The following MCU variants were observed in gnomAD, a reference collection of about 807,000 sequenced individuals.
MCU encodes the protein mitochondrial calcium uniporter.
A neutral mutation model predicts 45.2 loss-of-function variants in MCU; 12 were observed. That is an observed-to-expected ratio of 0.27 (90% confidence interval 0.17 to 0.43). The LOEUF (loss-of-function observed/expected upper bound fraction) is 0.43. Ranked by LOEUF, MCU falls within the 20% of genes least tolerant of loss-of-function variation. MCU has a pLI of 1.00. For synonymous variants in MCU, 160 were observed against 165.1 expected (o/e 0.97, Z 0.24); for missense variants, 324 against 436.7 (o/e 0.74, Z 2.30).
At position 72,871,388 on chromosome 10, in the gene MCU, G is replaced by T; in HGVS notation, c.669G>T (p.Glu223Asp). ...QLAPLEKVRI[E>D]ISRKAEKRTT... ...TGTGTGCCCAATAGGTACGAATTGA[G>T]ATTAGCAGAAAAGCTGAGAAGAGGA... The change falls in exon 6 of 8, where the codon GAG becomes GAT. Residue 223 changes from glutamate to aspartate, a missense_variant. Physicochemically the swap from Glu to Asp is conservative, Grantham distance 45 (BLOSUM62 2). This residue lies in a region of MCU where 135 missense variants were observed against 207.3 expected (regional missense o/e 0.65). Coordinates refer to ENST00000373053, the MANE Select transcript of MCU (RefSeq NM_138357.3). 6.2e-7 allele frequency: 1 copy of T among 1,614,048 alleles called. No homozygotes were observed. Among genetic ancestry groups the T allele is most frequent in the South Asian group, 1.1e-5 (1 of 91,076 alleles).
intron 2 of MCU, among the ~76,000 whole-genome samples, chr10:72,848,860 A>T (rs958443113): frequency 1.2e-4 from 18 of 152,160 alleles, no homozygotes; most frequent in African/African-American, 3.6e-4. Context: ...TGGAAAATTG[A>T]ACTGGAGCAA....
At chr10:72,752,253 AG>A (rs987317271) in intron 1 of MCU, among the ~76,000 whole-genome samples, 22 of 149,646 alleles carry the variant, frequency 1.5e-4, no homozygotes, top group African/African-American at 4.9e-4. Flanking sequence ...TGACAGGTCC[AG>A]ATTTTTTTTT....
At chr10:72,789,796 G>C (rs575523087) in intron 1 of MCU, among the ~76,000 whole-genome samples, 2 of 152,268 alleles carry the variant, frequency 1.3e-5, no homozygotes, top group East Asian at 3.9e-4. Flanking sequence ...CCTTCCTGGG[G>C]TTCTGAAATT....
intron 1 of MCU, among the ~76,000 whole-genome samples, chr10:72,814,932 A>T (rs11000419): frequency 0.45 from 69,094 of 151,906 alleles, 19,865 homozygotes; most frequent in Non-Finnish European, 0.67. Flanking sequence ...AAAGAAGTAT[A>T]AAAGAAAAAT....
rs1001610262 is a variant in MCU, at chr10:72,697,426, ATTTTTTTT to A, written c.150+5143_150+5150del. ...GCCACTGCACCCAGGCCAGACTTCT[ATTTTTTTT>A]TTTTTTTTTTTTTTTTTGAGACAGA... On this transcript the variant is annotated intron_variant, in intron 1 of 7. Transcript: ENST00000373053. Among the ~76,000 whole-genome samples, 41 of 64,136 alleles carry A rather than the reference ATTTTTTTT, an allele frequency of 6.4e-4. 1 individual carries two copies. The highest frequency in any genetic ancestry group is 4.8e-3 in the East Asian group (11 of 2,276). 42.1% of individuals were successfully genotyped at this position (64,136 alleles called of 152,430 possible).
chr10:72,825,344 C>T (rs553010923), intron 1 of MCU, among the ~76,000 whole-genome samples: 3 of 152,328 alleles, frequency 2.0e-5, no homozygotes, highest in Non-Finnish European at 2.9e-5. Flanking sequence ...TATGTACATA[C>T]ACATGTGTAT....
chr10:72,773,730 A>G (rs1843847477), intron 1 of MCU, among the ~76,000 whole-genome samples: 1 of 152,232 alleles, frequency 6.6e-6, no homozygotes, highest in Admixed American at 6.5e-5. Context: ...AAAGCAGCAA[A>G]GAAAAGAAGC....
At chr10:72,723,062 G>A (rs186333800) in intron 1 of MCU, among the ~76,000 whole-genome samples, 317 of 152,182 alleles carry the variant, frequency 2.1e-3, no homozygotes, top group South Asian at 0.016. Flanking sequence ...TGGGTGTGGT[G>A]GCAGGTGCCT....
intron 2 of MCU, among the ~76,000 whole-genome samples, chr10:72,849,564 G>A (rs1459804854): frequency 2.6e-5 from 4 of 152,132 alleles, no homozygotes; most frequent in Admixed American, 6.6e-5. Context: ...TTGGGAGGAC[G>A]TGAGATTTCC....
At chr10:72,717,127 CTTT>C (rs71021527) in intron 1 of MCU, among the ~76,000 whole-genome samples, 49 of 138,340 alleles carry the variant, frequency 3.5e-4, no homozygotes, top group Middle Eastern at 3.6e-3. Context: ...CTCTCTCTCT[CTTT>C]TTTTTTTTTT....
Position 72,782,856 on chromosome 10 carries a change from T to C in MCU, c.151-51503T>C, listed in dbSNP as rs573473527. Among the ~76,000 whole-genome samples the C allele has an allele frequency of 1.3e-5, 2 of 152,358 alleles. 1 individual carries two copies. The highest frequency in any genetic ancestry group is 3.9e-4 in the East Asian group (2 of 5,190). On this transcript the variant is annotated intron_variant, in intron 1 of 7. Coordinates refer to ENST00000373053, the MANE Select transcript of MCU (RefSeq NM_138357.3). The stretch of plus-strand genomic sequence containing the variant: ...GCTTCAGAAGTTATTTTGATTCTAG[T>C]GCAGCTGTGTTACTGTGAGCCAACA...
At chr10:72,793,489 C>T (rs1844198424) in intron 1 of MCU, among the ~76,000 whole-genome samples, 1 of 152,128 alleles carries the variant, frequency 6.6e-6, no homozygotes, top group Non-Finnish European at 1.5e-5. Flanking sequence ...TTCTGGTTAT[C>T]TGTTGCTTTG....
chr10:72,772,313 C>T (rs1792357532), intron 1 of MCU, among the ~76,000 whole-genome samples: 1 of 152,234 alleles, frequency 6.6e-6, no homozygotes, highest in Non-Finnish European at 1.5e-5. Context: ...CTCCCCTATT[C>T]AGATTAGGCA....
intron 4 of MCU, among the ~76,000 whole-genome samples, chr10:72,864,406 C>T (rs533253815): frequency 1.1e-4 from 16 of 152,236 alleles, no homozygotes; most frequent in African/African-American, 3.6e-4. Context: ...TGATACGTAC[C>T]GTAGACTGAG....
At chr10:72,820,704 G>A (rs1844698361) in intron 1 of MCU, among the ~76,000 whole-genome samples, 1 of 152,096 alleles carries the variant, frequency 6.6e-6, no homozygotes, top group Non-Finnish European at 1.5e-5. Flanking sequence ...TAGGGACGGG[G>A]TTTGGCCAGG....
chr10:72,874,331 G>GTTA (rs1209595051), intron 6 of MCU, among the ~76,000 whole-genome samples: 1 of 152,134 alleles, frequency 6.6e-6, no homozygotes, highest in East Asian at 1.9e-4. Flanking sequence ...ATTACTTTCA[G>GTTA]TTATTATTAT....
At chr10:72,763,080 T>C (rs540098385) in intron 1 of MCU, among the ~76,000 whole-genome samples, 1 of 152,142 alleles carries the variant, frequency 6.6e-6, no homozygotes, top group Non-Finnish European at 1.5e-5. Flanking sequence ...ATCTCTCTGG[T>C]TCTCTGGAGC....
chr10:72,730,311 T>TC (rs1589435516), intron 1 of MCU, among the ~76,000 whole-genome samples: 1 of 144,564 alleles, frequency 6.9e-6, no homozygotes, highest in East Asian at 2.0e-4. Flanking sequence ...CTTTTTCTTT[T>TC]TTTTTTTTTT....
chr10:72,810,722 TG>T (rs1844530621), intron 1 of MCU, among the ~76,000 whole-genome samples: 1 of 151,904 alleles, frequency 6.6e-6, no homozygotes, highest in African/African-American at 2.4e-5. Flanking sequence ...CTTGAACTCC[TG>T]ACCTCAGGTG....
Sources: allele counts gnomAD v4.1 joint callset (sites outside exome capture counted in the v4.1 genomes callset), GRCh38; gene constraint gnomAD v4.1.1; regional missense constraint gnomAD v4.1.1; transcripts MANE v1.5; gene names NCBI Gene and HGNC (gene_info 2026-07-23, HGNC 2026-07-21).